Variants in UTRN observed in about 807,000 individuals in gnomAD.
UTRN encodes utrophin.
In UTRN, 283 loss-of-function variants were observed where a neutral mutation model predicts 463.9. The ratio of observed to expected loss-of-function variants is 0.61; its 90% confidence interval spans 0.55 to 0.67. The LOEUF (loss-of-function observed/expected upper bound fraction) is 0.67. UTRN is among the 30% of genes least tolerant of loss of function. The probability of loss-of-function intolerance (pLI) is 0.00; values close to 1 mark genes in which losing one functional copy is unlikely to be tolerated. For synonymous variants in UTRN, 1,442 were observed against 1,431.5 expected, an observed-to-expected ratio of 1.01 and a Z score of -0.17; for missense variants, 3,922 against 4,084.3, an observed-to-expected ratio of 0.96 and a Z score of 1.08.
At chr6:144,494,878 T>G (rs1417720342) in intron 33 of UTRN, among the ~76,000 whole-genome samples, 1 of 137,580 alleles carries the variant, frequency 7.3e-6, no homozygotes, top group Non-Finnish European at 1.6e-5. Context: ...TAGCTAGACA[T>G]AAAGGTTCTC....
At chr6:144,469,139 A>G (rs925470902) in intron 23 of UTRN, among the ~76,000 whole-genome samples, 3 of 152,158 alleles carry the variant, frequency 2.0e-5, no homozygotes, top group Non-Finnish European at 4.4e-5. Flanking sequence ...GCCATTTGAA[A>G]CAGTTACTTT....
At chr6:144,552,083 C>A (rs779112720) in intron 48 of UTRN, among the ~76,000 whole-genome samples, 13 of 152,248 alleles carry the variant, frequency 8.5e-5, no homozygotes, top group Non-Finnish European at 1.5e-4. Flanking sequence ...TGCCCTTGGG[C>A]CTTTAACAGT....
intron 2 of UTRN, among the ~76,000 whole-genome samples, chr6:144,385,489 C>T (rs1210783065): frequency 6.6e-6 from 1 of 152,192 alleles, no homozygotes; most frequent in South Asian, 2.1e-4. Flanking sequence ...ACTTATTCTT[C>T]TAACCTTCAA....
chr6:144,684,412 C>T (rs1782536041), intron 52 of UTRN, among the ~76,000 whole-genome samples: 1 of 152,234 alleles, frequency 6.6e-6, no homozygotes, highest in East Asian at 1.9e-4. Flanking sequence ...TATCCATATT[C>T]ACAACTTTTT....
chr6:144,504,057 G>A (rs1167214665), intron 34 of UTRN, among the ~76,000 whole-genome samples: 2 of 152,046 alleles, frequency 1.3e-5, no homozygotes, highest in African/African-American at 4.8e-5. Flanking sequence ...TTGGTGTATA[G>A]GAATGCTTGT....
At chr6:144,824,206 G>A (rs1779839413) in intron 66 of UTRN, among the ~76,000 whole-genome samples, 2 of 151,994 alleles carry the variant, frequency 1.3e-5, no homozygotes, top group African/African-American at 2.4e-5. Flanking sequence ...CCATGCCAAA[G>A]TGTTTGGAGT....
In UTRN at chr6:144,739,147, A is replaced by G. The variant is rs114461481; in HGVS notation, c.7939+8661A>G. 4.0e-3 allele frequency among the ~76,000 whole-genome samples: 610 copies of G among 152,278 alleles called. 3 individuals are homozygous for G. The highest frequency in any genetic ancestry group is 0.014 in the African/African-American group (585 of 41,556). The stretch of plus-strand genomic sequence containing the variant: ...TGGTATGTAATATTTAACTCAGGGT[A>G]TACTGTTTAATTTTTAAATATTTCC... On this transcript the variant is annotated intron_variant, in intron 54 of 74. Coordinates refer to ENST00000367545, the MANE Select transcript of UTRN (RefSeq NM_007124.3).
intron 42 of UTRN, 52 bp from the exon 43 acceptor site, chr6:144,533,033 C>A: frequency 2.0e-6 from 2 of 1,010,222 alleles, no homozygotes; most frequent in Non-Finnish European, 3.0e-6. Context: ...TTCATTGCAT[C>A]AGAATCATTT....
rs1485670885 is a variant in UTRN at position 144,797,511 on chromosome 6, ATTAT to A, written c.9079-308_9079-305del. ...CACCCGGCCAAATGAGTTTTACAGAATTATTTATGTAAAAAGATGACTTTAAATT... is the reference window on the plus strand; with the variant it reads ...CACCCGGCCAAATGAGTTTTACAGAATTATGTAAAAAGATGACTTTAAATT... On this transcript the variant is annotated intron_variant, in intron 63 of 74. Coordinates refer to ENST00000367545, the MANE Select transcript of UTRN (RefSeq NM_007124.3). Among the ~76,000 whole-genome samples the A allele has an allele frequency of 2.0e-5, 3 of 152,312 alleles. No homozygotes were observed. The East Asian group carries it at 5.8e-4, about 29-fold the overall frequency.
chr6:144,396,006 A>G (rs1782371129), intron 2 of UTRN, among the ~76,000 whole-genome samples: 1 of 151,914 alleles, frequency 6.6e-6, no homozygotes, highest in Non-Finnish European at 1.5e-5. Context: ...ATTACTGTAT[A>G]TTAACCTAGC....
In UTRN at chr6:144,426,462, G is replaced by A. The variant is rs1253820083; in HGVS notation, c.578+3G>A. On this transcript the variant is annotated splice_donor_region_variant and intron_variant, in intron 7 of 74. Coordinates refer to ENST00000367545, the MANE Select transcript of UTRN (RefSeq NM_007124.3). ...AATGCTGTCCTCCACCGACATAAGT[G>A]AGACATTACTCTATCTAGAAGTGGG... 2 of 1,612,792 alleles carry A rather than the reference G, an allele frequency of 1.2e-6. No individual in the cohort carries two copies. The highest frequency in any genetic ancestry group is 2.7e-5 in the African/African-American group (2 of 74,830).
intron 2 of UTRN, among the ~76,000 whole-genome samples, chr6:144,348,509 AT>A (rs1291774213): frequency 6.6e-6 from 1 of 152,218 alleles, no homozygotes; most frequent in Non-Finnish European, 1.5e-5. Context: ...GGACTCGTGA[AT>A]TTTTTGCAGA....
chr6:144,410,097 C>G (rs1295747943), intron 3 of UTRN, among the ~76,000 whole-genome samples: 1 of 152,092 alleles, frequency 6.6e-6, no homozygotes, highest in Non-Finnish European at 1.5e-5. Flanking sequence ...TTATCTATTT[C>G]CTGACCAAAA....
chr6:144,530,484 A>G (rs1457137109), intron 41 of UTRN, among the ~76,000 whole-genome samples: 4 of 152,228 alleles, frequency 2.6e-5, no homozygotes, highest in African/African-American at 4.8e-5. Flanking sequence ...ACATATAGAT[A>G]GAGGGGTATA....
chr6:144,369,805 A>T (rs1779823416), intron 2 of UTRN, among the ~76,000 whole-genome samples: 1 of 152,114 alleles, frequency 6.6e-6, no homozygotes, highest in Admixed American at 6.6e-5. Context: ...TATTCTTGTG[A>T]TATTGAAGTC....
At chr6:144,823,015 A>T (rs1376617611) in intron 66 of UTRN, among the ~76,000 whole-genome samples, 1 of 152,154 alleles carries the variant, frequency 6.6e-6, no homozygotes, top group Non-Finnish European at 1.5e-5. Context: ...CAATGTCAAA[A>T]TAATCATTGG....
chr6:144,482,175 G>A (rs758322687), intron 26 of UTRN, 34 bp from the exon 27 acceptor site: 19 of 1,389,454 alleles, frequency 1.4e-5, no homozygotes, highest in Middle Eastern at 3.8e-4. Context: ...AAAGGGAGAC[G>A]TTTTTCAAGT....
chr6:144,414,869 C>T (rs529979890), intron 3 of UTRN, among the ~76,000 whole-genome samples: 1 of 152,164 alleles, frequency 6.6e-6, no homozygotes, highest in African/African-American at 2.4e-5. Context: ...GTGTGCACCA[C>T]CACAACCAGC....
intron 51 of UTRN, among the ~76,000 whole-genome samples, chr6:144,610,079 T>A (rs1429206239): frequency 1.4e-5 from 2 of 139,836 alleles, no homozygotes; most frequent in African/African-American, 5.4e-5. Flanking sequence ...AGAACAAAGA[T>A]CAGAGCCAAA....
Sources: gnomAD v4.1 joint callset for allele counts (sites outside exome capture counted in the v4.1 genomes callset) on GRCh38, gnomAD v4.1.1 for gene constraint, MANE v1.5 for transcripts, NCBI Gene and HGNC (gene_info 2026-07-23, HGNC 2026-07-21) for gene names.